The following SMG1 variants were observed in gnomAD, a reference collection of about 807,000 sequenced individuals.
SMG1 encodes serine/threonine-protein kinase SMG1.
Under a neutral mutation model 419.9 loss-of-function variants are expected in SMG1, and 22 were observed. That is an observed-to-expected ratio of 0.05 (90% CI 0.04 to 0.07). SMG1 has a LOEUF of 0.07. SMG1 is among the 10% of genes least tolerant of loss of function. The pLI is 1.00. For synonymous variants in SMG1, 1,538 were observed against 1,553.5 expected (o/e 0.99, Z 0.23); for missense variants, 3,185 against 4,342.0 (o/e 0.73, Z 7.49).
chr16:18,881,157 A>C (rs1337090429), intron 10 of SMG1, among the ~76,000 whole-genome samples: 4 of 150,792 alleles, frequency 2.7e-5, no homozygotes, highest in South Asian at 2.1e-4. Context: ...AAAAAAAAAA[A>C]CCACCATTCT....
chr16:18,848,066 G>A (rs182880803), intron 36 of SMG1, 33 bp from the exon 37 acceptor site: 3 of 1,568,000 alleles, frequency 1.9e-6, no homozygotes, highest in Middle Eastern at 2.0e-4. Context: ...GGAATATTTT[G>A]AACATTTCTC....
At chr16:18,852,888 T>C (rs1023497932) in intron 31 of SMG1, among the ~76,000 whole-genome samples, 9 of 152,206 alleles carry the variant, frequency 5.9e-5, no homozygotes, top group African/African-American at 2.2e-4. Flanking sequence ...GAGGCAAACA[T>C]CTTTATTCCC....
At position 18,897,448 on chromosome 16, in the gene SMG1, T is replaced by G. The variant is rs537393301; in HGVS notation, c.93-492A>C. 3.9e-5 allele frequency among the ~76,000 whole-genome samples: 6 copies of G among 152,326 alleles called. 1 individual carries two copies. In the South Asian group the frequency reaches 1.2e-3, roughly 32 times the overall value. On this transcript the variant is annotated intron_variant, in intron 1 of 62. Coordinates refer to ENST00000446231, the MANE Select transcript of SMG1 (RefSeq NM_015092.5). ...CGGGCAATGTCTTACCAAGTTATTT[T>G]CTAAGTACTGATTAGGTACTGTAGT...
chr16:18,900,129 T>C (rs1358254605), intron 1 of SMG1: 2 of 686,132 alleles, frequency 2.9e-6, no homozygotes, highest in Non-Finnish European at 5.0e-6. Flanking sequence ...CATTCATGAG[T>C]TAGGTGCCTT....
At chr16:18,842,979 TC>T (rs2034013777) in intron 39 of SMG1, among the ~76,000 whole-genome samples, 1 of 152,236 alleles carries the variant, frequency 6.6e-6, no homozygotes, top group Non-Finnish European at 1.5e-5. Context: ...TAAGACTCTT[TC>T]TTTTCCTCTG....
Position 18,816,571 on chromosome 16 carries a change from AAAT to A in SMG1, c.10075-45_10075-43del, listed in dbSNP as rs746990493. On this transcript the variant is annotated intron_variant, in intron 57 of 62. Coordinates refer to ENST00000446231, the MANE Select transcript of SMG1 (RefSeq NM_015092.5). ...TTTGTTTGACTTCGAGTATCAGCTG[AAAT>A]AATGAGTTCTTTCTTCATTAACATC... 41 of 1,527,280 alleles carry A rather than the reference AAAT, an allele frequency of 2.7e-5. No homozygotes were observed. The African/African-American group carries it at 2.9e-4, about 11-fold the overall frequency. The allele number at this position is 1,527,280 out of a possible 1,614,324, so 94.6% of individuals were successfully genotyped here.
intron 1 of SMG1, among the ~76,000 whole-genome samples, chr16:18,903,969 G>A (rs2037453947): frequency 8.5e-6 from 1 of 118,298 alleles, no homozygotes; most frequent in Non-Finnish European, 1.6e-5. Flanking sequence ...ATGTAGTCTC[G>A]CTCTGTCGCG....
intron 48 of SMG1, 25 bp from the exon 49 acceptor site, chr16:18,835,189 T>C: frequency 1.3e-6 from 2 of 1,588,576 alleles, no homozygotes; most frequent in Non-Finnish European, 1.7e-6. Flanking sequence ...AAGAGGTGCT[T>C]GTTTATAACA....
rs200238700 is a variant in SMG1, at chr16:18,816,478, G to C, written c.10126C>G (p.His3376Asp). 1.2e-4 allele frequency: 189 copies of C among 1,613,938 alleles called. No individual in the cohort carries two copies. Among genetic ancestry groups the C allele is most frequent in the Non-Finnish European group, 1.6e-4 (183 of 1,179,860 alleles). ...GACATATCCTGGGTCAACTGTTTGT[G>C]TGCTGACAAAAGCCATTCAGAGCTG... is the stretch of plus-strand genomic sequence containing the variant. ...IGSSEWLLSA[H>D]KQLTQDMSTQ... Residue 3376 changes from histidine to aspartate, a missense_variant, in exon 58 of 63, where the codon CAC (histidine) becomes GAC (aspartate). Physicochemically the swap from His to Asp is moderately conservative, Grantham distance 81. Transcript: ENST00000446231.
At chr16:18,909,508 G>T (rs2037710480) in intron 1 of SMG1, among the ~76,000 whole-genome samples, 1 of 152,102 alleles carries the variant, frequency 6.6e-6, no homozygotes, top group African/African-American at 2.4e-5. Context: ...GTGAGACTGT[G>T]TCTCTAAAGA....
intron 27 of SMG1, 81 bp downstream of exon 27, chr16:18,859,471 ACTCT>A (rs1358269900): frequency 1.4e-5 from 9 of 653,824 alleles, no homozygotes; most frequent in Non-Finnish European, 2.4e-5. Context: ...TAATCTAGTA[ACTCT>A]CCTTCCAGCC....
In SMG1 at chr16:18,875,854, T is replaced by C. The variant is rs186800300; in HGVS notation, c.1890+270A>G. The C allele has an allele frequency of 4.2e-4, 218 of 517,146 alleles. 1 individual carries two copies. The highest frequency in any genetic ancestry group is 3.3e-3 in the African/African-American group (171 of 51,502). The allele number at this position is 517,146 out of a possible 1,614,324, so 32.0% of individuals were successfully genotyped here. Reference sequence around the variant, plus strand: ...TTTTCTATAAGCATGCTAGAGCAAATAGGAGAAATTCATAAGACATTTTCT... The same window carrying C: ...TTTTCTATAAGCATGCTAGAGCAAACAGGAGAAATTCATAAGACATTTTCT... On this transcript the variant is annotated intron_variant, in intron 13 of 62. Coordinates refer to ENST00000446231, the MANE Select transcript of SMG1 (RefSeq NM_015092.5).
chr16:18,910,500 G>C (rs906052424), intron 1 of SMG1, among the ~76,000 whole-genome samples: 1 of 151,806 alleles, frequency 6.6e-6, no homozygotes, highest in African/African-American at 2.4e-5. Flanking sequence ...AAAGTGCTGG[G>C]ATTACAGGTG....
chr16:18,914,781 AGAAGG>A (rs2037909291), intron 1 of SMG1, among the ~76,000 whole-genome samples: 5 of 152,178 alleles, frequency 3.3e-5, no homozygotes, highest in Non-Finnish European at 7.3e-5. Context: ...ATGGGATGCC[AGAAGG>A]CTCAACCCAG....
intron 8 of SMG1, chr16:18,884,751 A>G (rs1347143507): frequency 4.7e-6 from 1 of 210,680 alleles, no homozygotes; most frequent in Non-Finnish European, 9.3e-6. Flanking sequence ...TTTTTTAAAA[A>G]AATTACCAGA....
intron 29 of SMG1, among the ~76,000 whole-genome samples, chr16:18,855,738 G>C (rs527372162): frequency 3.9e-5 from 6 of 152,078 alleles, no homozygotes; most frequent in Non-Finnish European, 7.4e-5. Flanking sequence ...CTTTAGCAGA[G>C]ACTTCAGCAT....
chr16:18,835,513 C>T (rs1466005151), intron 48 of SMG1, among the ~76,000 whole-genome samples: 2 of 152,278 alleles, frequency 1.3e-5, no homozygotes, highest in Admixed American at 6.5e-5. Context: ...TGGTGACACA[C>T]GCCCGTGGTC....
chr16:18,820,903 A>G (rs1199443773), intron 55 of SMG1, among the ~76,000 whole-genome samples: 1 of 152,222 alleles, frequency 6.6e-6, no homozygotes, highest in Non-Finnish European at 1.5e-5. Flanking sequence ...AAAGATACAC[A>G]TAACTTTCAT....
chr16:18,876,767 T>C (rs1246116172), intron 12 of SMG1, among the ~76,000 whole-genome samples: 1 of 151,884 alleles, frequency 6.6e-6, no homozygotes, highest in Non-Finnish European at 1.5e-5. Context: ...TGGATTTGAC[T>C]AGGGGGTGGT....
Sources: gnomAD v4.1 joint callset for allele counts (sites outside exome capture counted in the v4.1 genomes callset) on GRCh38, gnomAD v4.1.1 for gene constraint, MANE v1.5 for transcripts, NCBI Gene and HGNC (gene_info 2026-07-23, HGNC 2026-07-21) for gene names.